Variants in ACVR1B observed in about 807,000 individuals in gnomAD.
ACVR1B encodes activin A receptor type 1B.
ACVR1B carries 15 observed loss-of-function variants against 55.6 expected under a neutral mutation model. That is an observed-to-expected ratio of 0.27 (90% CI 0.18 to 0.42). The LOEUF is 0.42. Ranked by LOEUF, ACVR1B falls within the 10% of genes least tolerant of loss-of-function variation. ACVR1B has a pLI of 1.00. For missense variants in ACVR1B, 359 were observed against 670.1 expected (o/e 0.54, Z 5.13); for synonymous variants, 247 against 254.6 (o/e 0.97, Z 0.28).
intron 1 of ACVR1B, among the ~76,000 whole-genome samples, chr12:51,972,656 C>T (rs1941769002): frequency 6.6e-6 from 1 of 152,220 alleles, no homozygotes. Flanking sequence ...AATATTAAAG[C>T]TGGCATTTGA....
intron 1 of ACVR1B, among the ~76,000 whole-genome samples, chr12:51,963,687 T>G (rs1332536573): frequency 6.6e-6 from 1 of 152,266 alleles, no homozygotes; most frequent in Non-Finnish European, 1.5e-5. Context: ...TGTTCATTCA[T>G]CATTTGATGG....
At chr12:51,986,667 G>A in intron 6 of ACVR1B, 151 bp from the exon 7 acceptor site, 2 of 1,070,596 alleles carry the variant, frequency 1.9e-6, no homozygotes, top group East Asian at 4.8e-5. Flanking sequence ...ATGGGAGTTT[G>A]CAATGAAGAG....
intron 7 of ACVR1B, among the ~76,000 whole-genome samples, chr12:51,989,829 C>CA (rs1942153871): frequency 6.6e-6 from 1 of 151,752 alleles, no homozygotes; most frequent in Non-Finnish European, 1.5e-5. Context: ...ACTAAAAATA[C>CA]AAAAAAATTG....
At chr12:51,953,388 T>C (rs1941348171) in intron 1 of ACVR1B, 3 of 985,472 alleles carry the variant, frequency 3.0e-6, no homozygotes, top group Non-Finnish European at 3.6e-6. Flanking sequence ...CTAATGCTTC[T>C]CCTAAGCACC....
At chr12:51,983,955 TGATA>T in intron 4 of ACVR1B, 40 bp from the exon 5 acceptor site, 1 of 1,608,794 alleles carries the variant, frequency 6.2e-7, no homozygotes, top group Non-Finnish European at 8.5e-7. Context: ...ACTGTTTTGC[TGATA>T]GTTACACTTT....
At chr12:51,986,790 C>T (rs770495267) in intron 6 of ACVR1B, 28 bp from the exon 7 acceptor site, 29 of 1,593,964 alleles carry the variant, frequency 1.8e-5, no homozygotes, top group South Asian at 6.9e-5. Context: ...ATTTTCTGTG[C>T]GTGACCATGT....
chr12:51,962,952 T>C (rs766047949), intron 1 of ACVR1B, among the ~76,000 whole-genome samples: 7 of 152,196 alleles, frequency 4.6e-5, no homozygotes, highest in Non-Finnish European at 8.8e-5. Flanking sequence ...AAAAGGACAC[T>C]GGTTTCCTCT....
intron 1 of ACVR1B, among the ~76,000 whole-genome samples, chr12:51,956,771 CT>C (rs1377582866): frequency 6.7e-6 from 1 of 149,862 alleles, no homozygotes; most frequent in African/African-American, 2.5e-5. Context: ...CTTTTTTTTT[CT>C]TTTTTTGAGA....
At chr12:51,966,837 T>C (rs1362239267) in intron 1 of ACVR1B, among the ~76,000 whole-genome samples, 1 of 152,238 alleles carries the variant, frequency 6.6e-6, no homozygotes, top group Admixed American at 6.5e-5. Context: ...ATTAAGGCTA[T>C]TATTGTCAGT....
intron 1 of ACVR1B, among the ~76,000 whole-genome samples, chr12:51,965,746 C>T (rs150519667): frequency 2.0e-4 from 30 of 152,238 alleles, no homozygotes; most frequent in Non-Finnish European, 4.1e-4. Flanking sequence ...TTAGGCCGGA[C>T]GTCAGTGATT....
At chr12:51,984,734 C>T (rs1942046893) in intron 5 of ACVR1B, among the ~76,000 whole-genome samples, 1 of 152,174 alleles carries the variant, frequency 6.6e-6, no homozygotes, top group Non-Finnish European at 1.5e-5. Flanking sequence ...TTGACCAGGG[C>T]CACAATGGAA....
At position 51,995,815 on chromosome 12, in the gene ACVR1B, G is replaced by C. The variant is rs79245486; in HGVS notation, c.*1705G>C. 0.074 allele frequency: 11,279 copies of C among 152,600 alleles called. 1,172 individuals are homozygous for C. Among genetic ancestry groups the C allele is most frequent in the African/African-American group, 0.23 (9,612 of 41,456 alleles). 9.5% of individuals were successfully genotyped at this position (152,600 alleles called of 1,614,324 possible). On this transcript the variant is annotated 3_prime_UTR_variant, in exon 9 of 9. Coordinates refer to ENST00000257963, the MANE Select transcript of ACVR1B (RefSeq NM_004302.5). ...TTTGCCCTGAGGCTCAGTCTCTCTC[G>C]TATTTTGTCCCCACCCCCAATTCCT...
chr12:51,981,714 C>T (rs746093259), intron 4 of ACVR1B, among the ~76,000 whole-genome samples: 93 of 152,298 alleles, frequency 6.1e-4, no homozygotes, highest in Non-Finnish European at 1.1e-3. Flanking sequence ...TACCTGTAAT[C>T]CCAGCTATTC....
intron 1 of ACVR1B, among the ~76,000 whole-genome samples, chr12:51,963,103 T>C (rs1015548718): frequency 6.6e-6 from 1 of 152,214 alleles, no homozygotes; most frequent in Non-Finnish European, 1.5e-5. Context: ...GGATTTATGG[T>C]AGTAATTTTA....
intron 1 of ACVR1B, 85 bp downstream of exon 1, chr12:51,951,919 C>A: frequency 1.2e-6 from 1 of 827,622 alleles, no homozygotes; most frequent in Non-Finnish European, 1.6e-6. Flanking sequence ...TGGACTACAG[C>A]GCGCCCCCTC....
chr12:51,990,787 GTT>G (rs905476972), intron 7 of ACVR1B, among the ~76,000 whole-genome samples: 21 of 152,080 alleles, frequency 1.4e-4, no homozygotes, highest in African/African-American at 5.1e-4. Flanking sequence ...TTCCCACTCT[GTT>G]TTTTCGGAGA....
rs116554811 is a variant in ACVR1B at position 51,957,567 on chromosome 12, G to A, written c.91+5733G>A. 9.6e-3 allele frequency among the ~76,000 whole-genome samples: 1,452 copies of A among 151,968 alleles called. 29 individuals carry two copies. Among genetic ancestry groups the A allele is most frequent in the African/African-American group, 0.033 (1,368 of 41,438 alleles). On this transcript the variant is annotated intron_variant, in intron 1 of 8. Coordinates refer to ENST00000257963, the MANE Select transcript of ACVR1B (RefSeq NM_004302.5). ...ATCACACGCACATGCCACCATACCC[G>A]GCTAATGTTTAAATTTTTTGTAGAG...
chr12:51,976,557 A>G lies in ACVR1B; in HGVS notation c.562A>G (p.Thr188Ala). 1 of 1,613,340 alleles carries G rather than the reference A, an allele frequency of 6.2e-7. No homozygotes were observed. The highest frequency in any genetic ancestry group is 8.5e-7 in the Non-Finnish European group (1 of 1,180,008). ...CCAGGATCTTGTCTACGATCTCTCC[A>G]CCTCAGGGTCTGGCTCAGGTACCAA... is the stretch of plus-strand genomic sequence containing the variant. The part of the protein sequence containing the change: ...TLQDLVYDLS[T>A]SGSGSGLPLF... The change falls in exon 3 of 9, where the codon ACC becomes GCC. Residue 188 changes from threonine to alanine, a missense_variant. This residue lies in a region of ACVR1B where 133 missense variants were observed against 188.2 expected (regional missense o/e 0.71). Coordinates refer to ENST00000257963, the MANE Select transcript of ACVR1B (RefSeq NM_004302.5).
At chr12:51,953,338 C>G (rs185729781) in intron 1 of ACVR1B, 6 of 985,314 alleles carry the variant, frequency 6.1e-6, no homozygotes, top group Non-Finnish European at 7.2e-6. Flanking sequence ...ATATTTGTTC[C>G]CAGTGGTGGA....
Sources: allele counts gnomAD v4.1 joint callset (sites outside exome capture counted in the v4.1 genomes callset), GRCh38; gene constraint gnomAD v4.1.1; regional missense constraint gnomAD v4.1.1; transcripts MANE v1.5; gene names NCBI Gene and HGNC (gene_info 2026-07-23, HGNC 2026-07-21).